Variants in SFTPC observed in about 807,000 individuals in gnomAD.
SFTPC encodes surfactant protein C, also known as BRICHOS domain containing 6.
SFTPC carries 12 observed loss-of-function variants against 19.9 expected under a neutral mutation model. The observed-to-expected ratio is 0.60, with a 90% CI of 0.39 to 0.98. The LOEUF is 0.98. Ranked by LOEUF, SFTPC falls within the 50% of genes least tolerant of loss-of-function variation. The probability of loss-of-function intolerance (pLI) is 0.00; values close to 1 mark genes in which losing one functional copy is unlikely to be tolerated. For missense variants in SFTPC, 219 were observed against 252.2 expected, an observed-to-expected ratio of 0.87 and a Z score of 0.89; for synonymous variants, 123 against 103.3, an observed-to-expected ratio of 1.19 and a Z score of -1.16.
chr8:22,163,710 C>A, intron 4 of SFTPC, 164 bp downstream of exon 4: 1 of 797,498 alleles, frequency 1.3e-6, no homozygotes, highest in Non-Finnish European at 2.2e-6. Context: ...CTTCCCACCC[C>A]ACTGCCAAGC....
rs1333716297 is a variant in SFTPC, at chr8:22,164,249, A to G, written c.*19-17A>G. On this transcript the variant is annotated splice_polypyrimidine_tract_variant and intron_variant, in intron 5 of 5. Transcript: ENST00000679463. ...CTGATTCTCTCTGTCCATCCTCAACATTCCTTTGCTTCACAGGGTCAGTGG... is the reference window on the plus strand; with the variant it reads ...CTGATTCTCTCTGTCCATCCTCAACGTTCCTTTGCTTCACAGGGTCAGTGG... 6.5e-7 allele frequency: 1 copy of G among 1,536,092 alleles called. No individual in the cohort carries two copies. Among genetic ancestry groups the G allele is most frequent in the Non-Finnish European group, 8.7e-7 (1 of 1,146,842 alleles).
chr8:22,163,903 C>G lies in SFTPC; in HGVS notation c.438C>G (p.Ala146=). The G allele has an allele frequency of 1.2e-6, 2 of 1,613,266 alleles. No homozygotes were observed. The highest frequency in any genetic ancestry group is 1.7e-6 in the Non-Finnish European group (2 of 1,179,380). The part of the protein sequence containing the change: ...ALTRKVHNFQ[A]KPAVPTSKLG... The stretch of plus-strand genomic sequence containing the variant: ...TCCAGATGGAATGCTCTCTGCAGGC[C>G]AAGCCCGCAGTGCCTACGTCTAAGC... The change falls in exon 5 of 6, where the codon GCC becomes GCG. Residue 146 remains alanine (A), a splice_region_variant and synonymous_variant. Coordinates refer to ENST00000679463, the MANE Select transcript of SFTPC (RefSeq NM_001317778.2).
intron 1 of SFTPC, 86 bp downstream of exon 1, chr8:22,161,956 T>C: frequency 7.4e-7 from 1 of 1,350,786 alleles, no homozygotes; most frequent in Non-Finnish European, 1.1e-6. Context: ...CCTGGCCTGT[T>C]TCCTTATCCA....
chr8:22,161,271 C>G (rs1275388931), upstream of SFTPC, among the ~76,000 whole-genome samples: 1 of 152,062 alleles, frequency 6.6e-6, no homozygotes, highest in Non-Finnish European at 1.5e-5. Flanking sequence ...CTGGTCCTTG[C>G]AGGGAAATGC....
At chr8:22,161,949 G>A (rs1423878930) in intron 1 of SFTPC, 79 bp downstream of exon 1, 9 of 1,425,342 alleles carry the variant, frequency 6.3e-6, no homozygotes, top group Non-Finnish European at 8.9e-6. Context: ...TATCCTCCCT[G>A]GCCTGTTTCC....
upstream of SFTPC, chr8:22,161,768 C>T: frequency 1.2e-6 from 2 of 1,613,864 alleles, no homozygotes; most frequent in Non-Finnish European, 8.5e-7. Context: ...CCTACGGACA[C>T]ATATAAGACC....
At chr8:22,159,332 GAGGGAT>G, upstream of SFTPC, 1 of 180,404 alleles carries the variant, frequency 5.5e-6, no homozygotes. Flanking sequence ...GAGAAGTGGA[GAGGGAT>G]TGGAGGTGGG....
rs377222742 is a variant in SFTPC at position 22,163,119 on chromosome 8, C to T, written c.241C>T (p.Arg81Cys). Residue 81 changes from arginine (R) to cysteine (C), a missense_variant, in exon 3 of 6, where the codon CGC (arginine) becomes TGC (cysteine). Physicochemically the swap from Arg to Cys is radical, Grantham distance 180. Transcript: ENST00000679463. ...CATTGGGGCGCCGGAAGCCCAGCAA[C>T]GCCTGGCCCTGAGTGAGCACCTGGT... ...MSIGAPEAQQ[R>C]LALSEHLVTT... is the part of the protein sequence containing the mutation. 2.7e-5 allele frequency: 43 copies of T among 1,614,054 alleles called. No homozygotes were observed. Among genetic ancestry groups the T allele is most frequent in the East Asian group, 1.1e-4 (5 of 44,894 alleles).
At chr8:22,159,347 G>GTC, upstream of SFTPC, 1 of 193,398 alleles carries the variant, frequency 5.2e-6, no homozygotes. Flanking sequence ...ATTGGAGGTG[G>GTC]GCTTTCACAG....
chr8:22,162,590 C>T lies in SFTPC; in HGVS notation c.59C>T (p.Pro20Leu). ...MESPPDYSAA[P>L]RGRFGIPCCP... ...CCGTGTCAGGACTACTCCGCAGCTCCCCGGGGCCGATTTGGCATTCCCTGC... is the reference window on the plus strand; with the variant it reads ...CCGTGTCAGGACTACTCCGCAGCTCTCCGGGGCCGATTTGGCATTCCCTGC... The change falls in exon 2 of 6, where the codon CCC (proline) becomes CTC (leucine). Residue 20 changes from proline to leucine, a missense_variant. Coordinates refer to ENST00000679463, the MANE Select transcript of SFTPC (RefSeq NM_001317778.2). 2 of 1,613,954 alleles carry T rather than the reference C, an allele frequency of 1.2e-6. No homozygotes were observed. Among genetic ancestry groups the T allele is most frequent in the African/African-American group, 1.3e-5 (1 of 75,036 alleles).
upstream of SFTPC, among the ~76,000 whole-genome samples, chr8:22,159,254 T>C (rs550121392): frequency 6.6e-6 from 1 of 152,168 alleles, no homozygotes; most frequent in Non-Finnish European, 1.5e-5. Context: ...ACCACTGCAC[T>C]GCAGCTTGGG....
Position 22,162,645 on chromosome 8 carries a change from CGTGGTGGTG to C in SFTPC, c.123_131del (p.Val42_Val44del), listed in dbSNP as rs752666425. ...CAGTGCACCTGAAACGCCTTCTTAT[CGTGGTGGTG>C]GTGGTGGTCCTCATCGTCGTGGTGA... On this transcript the variant is annotated inframe_deletion, in exon 2 of 6. Transcript: ENST00000679463. 5 of 1,614,080 alleles carry C rather than the reference CGTGGTGGTG, an allele frequency of 3.1e-6. No homozygotes were observed. Among genetic ancestry groups the C allele is most frequent in the Non-Finnish European group, 4.2e-6 (5 of 1,179,956 alleles).
At chr8:22,161,549 A>G, upstream of SFTPC, 1 of 729,748 alleles carries the variant, frequency 1.4e-6, no homozygotes, top group Non-Finnish European at 2.1e-6. Flanking sequence ...TGAGAAGTGC[A>G]GATGGCCCGA....
In SFTPC at chr8:22,163,608, C is replaced by G. The variant is rs746932615; in HGVS notation, c.435+62C>G. 2.6e-6 allele frequency: 3 copies of G among 1,173,948 alleles called. No individual in the cohort carries two copies. The Admixed American group carries it at 5.3e-5, about 21-fold the overall frequency. 72.7% of individuals were successfully genotyped at this position (1,173,948 alleles called of 1,614,324 possible). ...CTCCCAGGGCTGCTGGGAGGAGTGT[C>G]CGAATGGTGGCTATTTGTCACCTGT... is the stretch of plus-strand genomic sequence containing the variant. On this transcript the variant is annotated intron_variant, in intron 4 of 5. Coordinates refer to ENST00000679463, the MANE Select transcript of SFTPC (RefSeq NM_001317778.2).
chr8:22,162,602 T>C lies in SFTPC; in HGVS notation c.71T>C (p.Phe24Ser), dbSNP rs1053466380. Residue 24 changes from phenylalanine to serine, a missense_variant, in exon 2 of 6, where the codon TTT (phenylalanine) becomes TCT (serine). By Grantham distance (155) the Phe-to-Ser change is radical (BLOSUM62 -2). Coordinates refer to ENST00000679463, the MANE Select transcript of SFTPC (RefSeq NM_001317778.2). The stretch of plus-strand genomic sequence containing the variant: ...TACTCCGCAGCTCCCCGGGGCCGAT[T>C]TGGCATTCCCTGCTGCCCAGTGCAC... ...PDYSAAPRGR[F>S]GIPCCPVHLK... 4.3e-6 allele frequency: 7 copies of C among 1,614,130 alleles called. No homozygotes were observed. The highest frequency in any genetic ancestry group is 5.9e-6 in the Non-Finnish European group (7 of 1,180,010).
chr8:22,161,734 G>C (rs778358826), upstream of SFTPC: 1 of 1,612,280 alleles, frequency 6.2e-7, no homozygotes, highest in Non-Finnish European at 8.5e-7. Flanking sequence ...CAGGGGGCTT[G>C]GTCCTTCACC....
upstream of SFTPC, chr8:22,159,105 T>C (rs940762479): frequency 1.3e-5 from 2 of 152,300 alleles, no homozygotes; most frequent in African/African-American, 4.8e-5. Flanking sequence ...TTGGCCTGTT[T>C]GGGTGGGTGG....
In SFTPC at chr8:22,163,461, CT is replaced by C; in HGVS notation, c.351del (p.Gly118AlafsTer7). The C allele has an allele frequency of 6.2e-7, 1 of 1,614,126 alleles. No homozygotes were observed. Among genetic ancestry groups the C allele is most frequent in the South Asian group, 1.1e-5 (1 of 91,074 alleles). On this transcript the variant is annotated frameshift_variant, in exon 4 of 6. Coordinates refer to ENST00000679463, the MANE Select transcript of SFTPC (RefSeq NM_001317778.2). LOFTEE classifies it high-confidence loss of function. ...QQLLIAYKPA[P>X]GTCCYIMKIA... ...CTGCTGATCGCCTACAAGCCAGCCCCTGGCACCTGCTGCTACATCATGAAGA... is the reference window on the plus strand; with the variant it reads ...CTGCTGATCGCCTACAAGCCAGCCCCGGCACCTGCTGCTACATCATGAAGA...
intron 2 of SFTPC, among the ~76,000 whole-genome samples, 173 bp from the exon 3 acceptor site, chr8:22,162,907 C>T (rs1490526814): frequency 6.6e-6 from 1 of 152,170 alleles, no homozygotes; most frequent in Non-Finnish European, 1.5e-5. Flanking sequence ...TCCACAAGGC[C>T]CCTGCCCCGC....
Sources: allele counts gnomAD v4.1 joint callset (sites outside exome capture counted in the v4.1 genomes callset), GRCh38; gene constraint gnomAD v4.1.1; transcripts MANE v1.5; gene names NCBI Gene and HGNC (gene_info 2026-07-23, HGNC 2026-07-21).